The following SECISBP2L variants were observed in gnomAD, a reference collection of about 807,000 sequenced individuals.
SECISBP2L encodes selenocysteine insertion sequence-binding protein 2-like.
Under a neutral mutation model 114.7 loss-of-function variants are expected in SECISBP2L, and 43 were observed. That is an observed-to-expected ratio of 0.38 (90% CI 0.29 to 0.48). The LOEUF (loss-of-function observed/expected upper bound fraction) is 0.48, where lower values mean the gene tolerates loss of function less well. Among genes scored for constraint, SECISBP2L ranks in the 20% least tolerant of loss-of-function variants. The pLI is 0.98. For synonymous variants in SECISBP2L, 451 were observed against 439.7 expected, an observed-to-expected ratio of 1.03 and a Z score of -0.32; for missense variants, 1,136 against 1,301.1, an observed-to-expected ratio of 0.87 and a Z score of 1.95.
chr15:49,019,553 C>T lies in SECISBP2L; in HGVS notation c.1036-1G>A. On this transcript the variant is annotated splice_acceptor_variant, in intron 7 of 17. Coordinates refer to ENST00000559471, the MANE Select transcript of SECISBP2L (RefSeq NM_001193489.2). LOFTEE classifies it high-confidence loss of function. ...TGTGTCCTCGGCATCTGAATCCAAC[C>T]TAAGTAAACCCCAGAGGGGAAAAAA... 1 of 1,464,530 alleles carries T rather than the reference C, an allele frequency of 6.8e-7. No homozygotes were observed. The highest frequency in any genetic ancestry group is 8.9e-7 in the Non-Finnish European group (1 of 1,120,622). 90.7% of individuals were successfully genotyped at this position (1,464,530 alleles called of 1,614,324 possible). A position where few individuals can be genotyped will look rare whatever the true frequency, so the allele number is the denominator to read the frequency against.
intron 16 of SECISBP2L, 24 bp downstream of exon 16, chr15:48,999,809 A>G (rs749481109): frequency 1.9e-6 from 3 of 1,609,450 alleles, no homozygotes; most frequent in Non-Finnish European, 2.6e-6. Flanking sequence ...GGAGAGCAAG[A>G]GTGTGTGTCT....
chr15:49,012,770 G>T lies in SECISBP2L; in HGVS notation c.1609C>A (p.Pro537Thr), dbSNP rs1902462313. 6.2e-7 allele frequency: 1 copy of T among 1,613,710 alleles called. No individual in the cohort carries two copies. The highest frequency in any genetic ancestry group is 1.3e-5 in the African/African-American group (1 of 74,888). ...FHTKDSTNRKPLTKSQPCLTS... is the reference protein window; with the variant it reads ...FHTKDSTNRKTLTKSQPCLTS... ...AAACAGGGCTGACTTTTGGTTAAAG[G>T]TTTTCTATTAGTAGAGTCTTTAGTG... is the stretch of plus-strand genomic sequence containing the variant. The change falls in exon 12 of 18, where the codon CCT becomes ACT. Residue 537 changes from proline (P) to threonine (T), a missense_variant. Pro to Thr is a conservative substitution (Grantham distance 38). Coordinates refer to ENST00000559471, the MANE Select transcript of SECISBP2L (RefSeq NM_001193489.2).
chr15:49,001,891 T>A (rs1238253136), intron 14 of SECISBP2L: 1 of 152,102 alleles, frequency 6.6e-6, no homozygotes. Flanking sequence ...GTTCCAAGTC[T>A]TTGCTATTGT....
intron 4 of SECISBP2L, among the ~76,000 whole-genome samples, chr15:49,030,157 T>C (rs1191457354): frequency 6.6e-6 from 1 of 152,200 alleles, no homozygotes; most frequent in Non-Finnish European, 1.5e-5. Flanking sequence ...AATTTTGAGT[T>C]GTGCTCTGCT....
At chr15:49,016,253 A>G (rs1902533464) in intron 11 of SECISBP2L, among the ~76,000 whole-genome samples, 1 of 152,152 alleles carries the variant, frequency 6.6e-6, no homozygotes, top group Non-Finnish European at 1.5e-5. Flanking sequence ...TCAGTCTAGT[A>G]TGATACAATA....
chr15:49,038,414 T>C (rs1020594104), intron 1 of SECISBP2L, among the ~76,000 whole-genome samples: 3 of 148,086 alleles, frequency 2.0e-5, no homozygotes, highest in African/African-American at 7.5e-5. Flanking sequence ...AAGAAATCTA[T>C]AGAGATTTAA....
chr15:49,041,042 C>CT (rs376386791), intron 1 of SECISBP2L, among the ~76,000 whole-genome samples: 35 of 152,002 alleles, frequency 2.3e-4, no homozygotes, highest in African/African-American at 8.4e-4. Flanking sequence ...TGTGTTTAGT[C>CT]TCTCTACTTT....
At position 49,035,391 on chromosome 15, in the gene SECISBP2L, G is replaced by C. The variant is rs771977503; in HGVS notation, c.471C>G (p.Val157=). The C allele has an allele frequency of 6.8e-6, 11 of 1,614,172 alleles. No individual in the cohort carries two copies. The South Asian group carries it at 1.2e-4, about 18-fold the overall frequency. Residue 157 remains valine (V), a synonymous_variant, in exon 3 of 18, where the codon GTC becomes GTG. Transcript: ENST00000559471. The part of the protein sequence containing the change: ...CTERPSQLGQ[V]FPLSSHRSRN... ...TGCTTCGATGGCTGGACAATGGGAA[G>C]ACCTGTCCAAGCTGACTTGGACGCT...
chr15:49,029,117 A>C (rs1902829475), intron 4 of SECISBP2L, among the ~76,000 whole-genome samples: 1 of 152,194 alleles, frequency 6.6e-6, no homozygotes, highest in East Asian at 1.9e-4. Flanking sequence ...ACCTCCCAAA[A>C]TGCTGGGATT....
At chr15:49,038,255 A>T (rs1422099903) in intron 1 of SECISBP2L, among the ~76,000 whole-genome samples, 1 of 152,166 alleles carries the variant, frequency 6.6e-6, no homozygotes, top group African/African-American at 2.4e-5. Flanking sequence ...AATGTCTAAG[A>T]TGAAAAAATA....
Position 48,992,160 on chromosome 15 carries a change from C to T in SECISBP2L, c.*84G>A. 1 of 1,272,620 alleles carries T rather than the reference C, an allele frequency of 7.9e-7. No individual in the cohort carries two copies. The highest frequency in any genetic ancestry group is 1.1e-6 in the Non-Finnish European group (1 of 912,402). 78.8% of individuals were successfully genotyped at this position (1,272,620 alleles called of 1,614,324 possible). On this transcript the variant is annotated 3_prime_UTR_variant, in exon 18 of 18. Coordinates refer to ENST00000559471, the MANE Select transcript of SECISBP2L (RefSeq NM_001193489.2). Reference sequence around the variant, plus strand: ...TTAAATACGTATATTAAATACTGGACAGTGCAAAATGTTGAGATGAAGCAT... The same window carrying T: ...TTAAATACGTATATTAAATACTGGATAGTGCAAAATGTTGAGATGAAGCAT...
At chr15:49,045,799 A>C (rs1046939527) in intron 1 of SECISBP2L, among the ~76,000 whole-genome samples, 1 of 152,176 alleles carries the variant, frequency 6.6e-6, no homozygotes, top group Non-Finnish European at 1.5e-5. Flanking sequence ...CACTGCAAAA[A>C]CAATGCTTCG....
chr15:49,009,447 A>ATGCAAT (rs1425679963), intron 13 of SECISBP2L, 69 bp from the exon 14 acceptor site: 2 of 1,481,706 alleles, frequency 1.3e-6, no homozygotes, highest in African/African-American at 2.8e-5. Flanking sequence ...ACGTTGATCA[A>ATGCAAT]TGCAATTTAG....
intron 1 of SECISBP2L, 144 bp from the exon 2 acceptor site, chr15:49,037,913 A>C: frequency 1.8e-6 from 1 of 542,186 alleles, no homozygotes; most frequent in Non-Finnish European, 3.0e-6. Flanking sequence ...AAGGAAGAGC[A>C]ATGTCAATTT....
At chr15:49,033,579 T>C (rs903060541) in intron 3 of SECISBP2L, among the ~76,000 whole-genome samples, 1 of 152,076 alleles carries the variant, frequency 6.6e-6, no homozygotes, top group Admixed American at 6.5e-5. Flanking sequence ...GGTTCACACC[T>C]ATAATCCCAA....
At chr15:49,024,958 G>A (rs542428919) in intron 7 of SECISBP2L, among the ~76,000 whole-genome samples, 3 of 152,248 alleles carry the variant, frequency 2.0e-5, no homozygotes, top group Admixed American at 1.3e-4. Flanking sequence ...TTGAGAAAGA[G>A]ATAAAATGTT....
chr15:49,027,552 C>T (rs755786606), intron 6 of SECISBP2L, 72 bp from the exon 7 acceptor site: 489 of 825,896 alleles, frequency 5.9e-4, no homozygotes, highest in Non-Finnish European at 8.0e-4. Context: ...CCTGACTTCA[C>T]ATACTGAAAT....
chr15:49,000,745 T>C (rs1361741916), intron 15 of SECISBP2L, 132 bp downstream of exon 15: 3 of 687,158 alleles, frequency 4.4e-6, no homozygotes, highest in South Asian at 2.2e-5. Flanking sequence ...AAAGACTGCA[T>C]TTTCTTTTCT....
intron 17 of SECISBP2L, chr15:48,995,852 G>A (rs1445048743): frequency 2.6e-5 from 4 of 154,238 alleles, no homozygotes; most frequent in South Asian, 2.0e-4. Flanking sequence ...TATTATTCAC[G>A]TCTGTAGTTT....
Sources: allele counts gnomAD v4.1 joint callset (sites outside exome capture counted in the v4.1 genomes callset), GRCh38; gene constraint gnomAD v4.1.1; transcripts MANE v1.5; gene names NCBI Gene and HGNC (gene_info 2026-07-23, HGNC 2026-07-21).